CSMD1: variants seen among roughly 807,000 people sequenced by gnomAD.
CSMD1 encodes the protein CUB and sushi domain-containing protein 1.
Under a neutral mutation model 417.5 loss-of-function variants are expected in CSMD1, and 213 were observed. The observed-to-expected ratio is 0.51, with a 90% confidence interval of 0.46 to 0.57. CSMD1 has a LOEUF of 0.57. Ranked by LOEUF, CSMD1 falls within the 20% of genes least tolerant of loss-of-function variation. The probability of loss-of-function intolerance (pLI) is 0.00; values close to 1 mark genes in which losing one functional copy is unlikely to be tolerated. For missense variants in CSMD1, 6,923 were observed against 4,529.7 expected (o/e 1.53, Z -15.17); for synonymous variants, 2,862 against 1,736.8 (o/e 1.65, Z -16.11).
At chr8:3,288,716 G>T (rs1347596413) in intron 25 of CSMD1, among the ~76,000 whole-genome samples, 12 of 146,746 alleles carry the variant, frequency 8.2e-5, no homozygotes, top group Non-Finnish European at 1.2e-4. Flanking sequence ...CTTGATAGCA[G>T]TTTATCAATT....
At chr8:3,689,629 A>G (rs1800129501) in intron 7 of CSMD1, among the ~76,000 whole-genome samples, 1 of 152,174 alleles carries the variant, frequency 6.6e-6, no homozygotes, top group Non-Finnish European at 1.5e-5. Flanking sequence ...GAGTGTGCTT[A>G]CTATGTGGCA....
intron 3 of CSMD1, among the ~76,000 whole-genome samples, chr8:4,335,063 G>A (rs1800091082): frequency 1.3e-5 from 2 of 152,168 alleles, no homozygotes; most frequent in Non-Finnish European, 2.9e-5. Context: ...CACCATATCT[G>A]ACTAATTTTT....
At chr8:4,378,557 G>A (rs976406163) in intron 3 of CSMD1, among the ~76,000 whole-genome samples, 1 of 151,968 alleles carries the variant, frequency 6.6e-6, no homozygotes, top group African/African-American at 2.4e-5. Flanking sequence ...CTTCCTTTTA[G>A]CTTTGCACTG....
At chr8:4,521,646 G>C (rs1803454949) in intron 2 of CSMD1, among the ~76,000 whole-genome samples, 2 of 152,154 alleles carry the variant, frequency 1.3e-5, no homozygotes, top group African/African-American at 2.4e-5. Context: ...GGTAGAAAAA[G>C]GTGGCCCTCA....
chr8:4,241,187 T>A (rs1802376639), intron 3 of CSMD1, among the ~76,000 whole-genome samples: 1 of 152,128 alleles, frequency 6.6e-6, no homozygotes, highest in Non-Finnish European at 1.5e-5. Flanking sequence ...GATCGTGAAC[T>A]CTCCAGTCAA....
chr8:4,455,249 C>G (rs529757320), intron 2 of CSMD1, among the ~76,000 whole-genome samples: 3 of 152,192 alleles, frequency 2.0e-5, no homozygotes, highest in South Asian at 2.1e-4. Context: ...TTGGCCTTTT[C>G]CCCAGGTTAA....
At chr8:2,962,016 A>C (rs1803537895) in intron 61 of CSMD1, among the ~76,000 whole-genome samples, 1 of 152,216 alleles carries the variant, frequency 6.6e-6, no homozygotes, top group South Asian at 2.1e-4. Context: ...CTTTTTTACT[A>C]AAAATTAGTA....
At chr8:4,194,584 G>C (rs371210862) in intron 3 of CSMD1, among the ~76,000 whole-genome samples, 1 of 151,924 alleles carries the variant, frequency 6.6e-6, no homozygotes, top group African/African-American at 2.4e-5. Context: ...ATTTTCTTTT[G>C]TTTCCCCTTT....
chr8:3,819,608 G>A (rs757628520), intron 5 of CSMD1, among the ~76,000 whole-genome samples: 2 of 151,808 alleles, frequency 1.3e-5, no homozygotes, highest in African/African-American at 4.8e-5. Flanking sequence ...TGCTGAGACA[G>A]GATCTCACTT....
At chr8:4,906,898 G>C (rs1016851970) in intron 1 of CSMD1, among the ~76,000 whole-genome samples, 4 of 152,100 alleles carry the variant, frequency 2.6e-5, no homozygotes, top group African/African-American at 9.7e-5. Context: ...TTCACAATGT[G>C]AGTAAATGTG....
chr8:4,173,019 G>T (rs116629435), intron 3 of CSMD1, among the ~76,000 whole-genome samples: 1 of 152,182 alleles, frequency 6.6e-6, no homozygotes, highest in East Asian at 1.9e-4. Context: ...TAAATGCTTG[G>T]TATTTTAGCC....
intron 9 of CSMD1, among the ~76,000 whole-genome samples, chr8:3,583,628 T>C (rs1800474960): frequency 6.6e-6 from 1 of 151,890 alleles, no homozygotes; most frequent in Non-Finnish European, 1.5e-5. Context: ...AGACATAAAC[T>C]GAGGGGAGGA....
intron 2 of CSMD1, among the ~76,000 whole-genome samples, chr8:4,463,312 G>A (rs1182960201): frequency 1.3e-5 from 2 of 152,134 alleles, no homozygotes; most frequent in Non-Finnish European, 2.9e-5. Flanking sequence ...GTGTATGGGT[G>A]TTTCACTTCC....
At chr8:3,512,587 C>G (rs377274221) in intron 10 of CSMD1, among the ~76,000 whole-genome samples, 1 of 146,920 alleles carries the variant, frequency 6.8e-6, no homozygotes, top group African/African-American at 2.6e-5. Flanking sequence ...CAGGAGCTTA[C>G]TTTAATTTTT....
intron 2 of CSMD1, among the ~76,000 whole-genome samples, chr8:4,506,867 G>C (rs1023866184): frequency 1.3e-5 from 2 of 152,140 alleles, no homozygotes; most frequent in African/African-American, 2.4e-5. Flanking sequence ...CGATTGATAA[G>C]TTTATAACAT....
intron 5 of CSMD1, among the ~76,000 whole-genome samples, chr8:3,881,847 C>G (rs1806228363): frequency 6.6e-6 from 1 of 151,850 alleles, no homozygotes; most frequent in Non-Finnish European, 1.5e-5. Context: ...CTGCTCAGGG[C>G]AAGGGGAAAA....
intron 3 of CSMD1, among the ~76,000 whole-genome samples, chr8:4,293,704 T>A (rs528076341): frequency 6.6e-6 from 1 of 152,282 alleles, no homozygotes. Flanking sequence ...AGAATTGCAT[T>A]CCATACTTTA....
chr8:3,453,359 G>C (rs979464163), intron 12 of CSMD1, among the ~76,000 whole-genome samples: 1 of 151,918 alleles, frequency 6.6e-6, no homozygotes, highest in Non-Finnish European at 1.5e-5. Flanking sequence ...GCTGGCTTTT[G>C]AATGTGTTTG....
chr8:3,771,412 A>C (rs953897877), intron 5 of CSMD1, among the ~76,000 whole-genome samples: 1 of 152,152 alleles, frequency 6.6e-6, no homozygotes, highest in African/African-American at 2.4e-5. Context: ...TTTCATTCAA[A>C]ATGCTTTTTG....
Sources: gnomAD v4.1 joint callset for allele counts (sites outside exome capture counted in the v4.1 genomes callset) on GRCh38, gnomAD v4.1.1 for gene constraint, MANE v1.5 for transcripts, NCBI Gene and HGNC (gene_info 2026-07-23, HGNC 2026-07-21) for gene names.